Variants in PRMT8 observed in about 807,000 individuals in gnomAD.
PRMT8 encodes protein arginine methyltransferase 8.
A neutral mutation model predicts 47.1 loss-of-function variants in PRMT8; 7 were observed. The ratio of observed to expected loss-of-function variants is 0.15; its 90% confidence interval spans 0.08 to 0.28. PRMT8 has a LOEUF of 0.28. Among genes scored for constraint, PRMT8 ranks in the 10% least tolerant of loss-of-function variants. The pLI, the probability that PRMT8 is intolerant of heterozygous loss-of-function variation, is 1.00. For missense variants in PRMT8, 237 were observed against 505.4 expected (o/e 0.47, Z 5.09); for synonymous variants, 188 against 186.5 (o/e 1.01, Z -0.07).
chr12:3,552,757 C>A lies in PRMT8; in HGVS notation c.418-894C>A. ...AGAGGCGTCAGAAACTCCCTCAGTG[C>A]CCCTTTGCGAGTACTTCTCAAGGGA... On this transcript the variant is annotated intron_variant, in intron 3 of 9. Coordinates refer to ENST00000382622, the MANE Select transcript of PRMT8 (RefSeq NM_019854.5). This position sits in a 1 kb window ranked among gnomAD's most constrained non-coding sequence, Gnocchi z 4.5. The A allele has an allele frequency of 2.1e-6, 1 of 480,500 alleles. No individual in the cohort carries two copies. The highest frequency in any genetic ancestry group is 6.2e-5 in the East Asian group (1 of 16,116). The allele number at this position is 480,500 out of a possible 1,614,324, so 29.8% of individuals were successfully genotyped here. A position where few individuals can be genotyped will look rare whatever the true frequency, so the allele number is the denominator to read the frequency against.
rs57739335 is a variant in PRMT8 at position 3,580,337 on chromosome 12, CGTGTGTGT to C, written c.829-2698_829-2691del. Among the ~76,000 whole-genome samples, 99 of 145,644 alleles carry C rather than the reference CGTGTGTGT, an allele frequency of 6.8e-4. No homozygotes were observed. Among genetic ancestry groups the C allele is most frequent in the Admixed American group, 2.1e-3 (31 of 14,652 alleles). On this transcript the variant is annotated intron_variant, in intron 7 of 9. Coordinates refer to ENST00000382622, the MANE Select transcript of PRMT8 (RefSeq NM_019854.5). The surrounding 1 kb of genome is among the most constrained non-coding windows in gnomAD (Gnocchi z 4.6). ...TCCTGCCAGATGGGGGGTGCGTGTG[CGTGTGTGT>C]GTGTGTGTGTGTGTGTGTGTGTACG...
intron 1 of PRMT8, among the ~76,000 whole-genome samples, chr12:3,439,896 G>A (rs1435592911): frequency 6.6e-6 from 1 of 152,126 alleles, no homozygotes; most frequent in Non-Finnish European, 1.5e-5. Context: ...TTTCAAACAG[G>A]GCCAGAAATG....
At chr12:3,448,882 A>T (rs146454953) in intron 1 of PRMT8, among the ~76,000 whole-genome samples, 23 of 151,674 alleles carry the variant, frequency 1.5e-4, no homozygotes, top group East Asian at 3.9e-4. Context: ...ATCCTGATGC[A>T]CTCCTTCTCC....
rs1361525072 is a variant in PRMT8, at chr12:3,508,268, T to C, written c.75+16568T>C. Among the ~76,000 whole-genome samples, 1 of 152,068 alleles carries C rather than the reference T, an allele frequency of 6.6e-6. No homozygotes were observed. The highest frequency in any genetic ancestry group is 1.5e-5 in the Non-Finnish European group (1 of 68,000). Reference sequence around the variant, plus strand: ...GACCTATTCCAGACAGACTGCAGGGTGTCGGGATGTTTCTGTGTGGGGATA... The same window carrying C: ...GACCTATTCCAGACAGACTGCAGGGCGTCGGGATGTTTCTGTGTGGGGATA... On this transcript the variant is annotated intron_variant, in intron 1 of 9. Coordinates refer to ENST00000382622, the MANE Select transcript of PRMT8 (RefSeq NM_019854.5). This position sits in a 1 kb window ranked among gnomAD's most constrained non-coding sequence, Gnocchi z 4.9.
At chr12:3,417,453 T>C (rs1167037598) in intron 1 of PRMT8, among the ~76,000 whole-genome samples, 1 of 152,216 alleles carries the variant, frequency 6.6e-6, no homozygotes, top group Admixed American at 6.5e-5. Flanking sequence ...TCTCATGTTA[T>C]TCACAAAAGA....
rs776724641 is a variant in PRMT8 at position 3,583,348 on chromosome 12, A to C, written c.979+140A>C. 1.4e-5 allele frequency: 13 copies of C among 921,138 alleles called. No individual in the cohort carries two copies. Among genetic ancestry groups the C allele is most frequent in the Non-Finnish European group, 2.1e-5 (13 of 624,800 alleles). The allele number at this position is 921,138 out of a possible 1,614,324, so 57.1% of individuals were successfully genotyped here. A position where few individuals can be genotyped will look rare whatever the true frequency, so the allele number is the denominator to read the frequency against. On this transcript the variant is annotated intron_variant, in intron 8 of 9. Transcript: ENST00000382622. This position sits in a 1 kb window ranked among gnomAD's most constrained non-coding sequence, Gnocchi z 4.7. ...TGACACCTATCAACCCTCTCCAGCC[A>C]TGGAGGAACCATGCATCCCTATATT...
intron 2 of PRMT8, among the ~76,000 whole-genome samples, chr12:3,549,374 C>T (rs1866378411): frequency 6.6e-6 from 1 of 152,176 alleles, no homozygotes; most frequent in Admixed American, 6.5e-5. Context: ...CCAAAGATCC[C>T]TACCTCACTA....
chr12:3,453,837 C>G lies in PRMT8; in HGVS notation c.48+72395C>G, dbSNP rs1055093547. On this transcript the variant is annotated intron_variant, in intron 1 of 9. Transcript: ENST00000452611. This position sits in a 1 kb window ranked among gnomAD's most constrained non-coding sequence, Gnocchi z 4.9. ...TCCTGCTATGCTAGGTCTGGGCTTC[C>G]GACGCCGGCCCTGCTCCGGCGATTG... 6.6e-6 allele frequency among the ~76,000 whole-genome samples: 1 copy of G among 152,172 alleles called. No individual in the cohort carries two copies. Among genetic ancestry groups the G allele is most frequent in the Non-Finnish European group, 1.5e-5 (1 of 68,034 alleles).
chr12:3,411,561 G>A (rs902117180), intron 1 of PRMT8, among the ~76,000 whole-genome samples: 4 of 152,224 alleles, frequency 2.6e-5, no homozygotes, highest in African/African-American at 7.2e-5. Context: ...AACTAAAAGC[G>A]TGTAATATGT....
At chr12:3,530,527 CAGGAGAGACCCA>C (rs1866013829) in intron 1 of PRMT8, among the ~76,000 whole-genome samples, 1 of 152,164 alleles carries the variant, frequency 6.6e-6, no homozygotes, top group Admixed American at 6.5e-5. Flanking sequence ...AAAATAGGAG[CAGGAGAGACCCA>C]AGCATCAGCG....
At chr12:3,553,574 C>A (rs1418781705) in intron 3 of PRMT8, 77 bp from the exon 4 acceptor site, 9 of 1,244,838 alleles carry the variant, frequency 7.2e-6, no homozygotes, top group South Asian at 6.0e-5. Flanking sequence ...GCCTCAGCGT[C>A]TCTATCCATT....
At chr12:3,523,534 T>G (rs1417678261) in intron 1 of PRMT8, among the ~76,000 whole-genome samples, 6 of 152,086 alleles carry the variant, frequency 3.9e-5, no homozygotes, top group Admixed American at 3.9e-4. Flanking sequence ...TAAAAATAAT[T>G]AAAATAACTA....
At chr12:3,405,105 C>T (rs901934041) in intron 1 of PRMT8, among the ~76,000 whole-genome samples, 5 of 152,162 alleles carry the variant, frequency 3.3e-5, no homozygotes, top group African/African-American at 4.8e-5. Flanking sequence ...CACAGTTCAG[C>T]ATGGCTGGGG....
At chr12:3,413,966 C>A (rs1864459127) in intron 1 of PRMT8, among the ~76,000 whole-genome samples, 1 of 152,056 alleles carries the variant, frequency 6.6e-6, no homozygotes, top group South Asian at 2.1e-4. Context: ...TGTCCTGGGA[C>A]CAAATCCCCC....
chr12:3,496,212 A>ATTTTTTTTTTTTTTTTTTTTTT (rs1444249290), intron 1 of PRMT8, among the ~76,000 whole-genome samples: 8 of 19,390 alleles, frequency 4.1e-4, no homozygotes, highest in Non-Finnish European at 4.8e-4. Context: ...ATATATATAT[A>ATTTTTTTTTTTTTTTTTTTTTT]TATTTTTTTT....
intron 2 of PRMT8, among the ~76,000 whole-genome samples, chr12:3,545,419 AC>A (rs1866310627): frequency 6.6e-6 from 1 of 152,230 alleles, no homozygotes. Context: ...GCTTCAGCTC[AC>A]CTTCAAAGTA....
intron 1 of PRMT8, among the ~76,000 whole-genome samples, chr12:3,518,667 G>C (rs34316545): frequency 6.6e-6 from 1 of 151,948 alleles, no homozygotes; most frequent in African/African-American, 2.4e-5. Flanking sequence ...CCCAGAAATC[G>C]GGCCCAAATG....
chr12:3,394,195 C>T (rs906336000), intron 1 of PRMT8, among the ~76,000 whole-genome samples: 1 of 150,674 alleles, frequency 6.6e-6, no homozygotes, highest in Non-Finnish European at 1.5e-5. Flanking sequence ...AATTGAATAC[C>T]CTTTATTTCC....
intron 1 of PRMT8, among the ~76,000 whole-genome samples, chr12:3,449,646 G>A (rs1211661361): frequency 6.6e-6 from 1 of 152,104 alleles, no homozygotes; most frequent in Non-Finnish European, 1.5e-5. Context: ...CTTGTCAGAT[G>A]GATAGATTGC....
Sources: allele counts gnomAD v4.1 joint callset (sites outside exome capture counted in the v4.1 genomes callset), GRCh38; gene constraint gnomAD v4.1.1; non-coding constraint Gnocchi (gnomAD v3.1); transcripts MANE v1.5; gene names NCBI Gene and HGNC (gene_info 2026-07-23, HGNC 2026-07-21).